FAM168B: variants seen among roughly 807,000 people sequenced by gnomAD.
FAM168B encodes family with sequence similarity 168 member B.
FAM168B carries 19 observed loss-of-function variants against 21.8 expected under a neutral mutation model. That is an observed-to-expected ratio of 0.87 (90% CI 0.61 to 1.28). The LOEUF (loss-of-function observed/expected upper bound fraction) is 1.28. Ranked by LOEUF, FAM168B falls within the 50% of genes most tolerant of loss-of-function variation. The pLI, the probability that FAM168B is intolerant of heterozygous loss-of-function variation, is 0.00. For synonymous variants in FAM168B, 126 were observed against 104.8 expected (o/e 1.20, Z -1.24); for missense variants, 233 against 263.1 (o/e 0.89, Z 0.79).
At chr2:131,092,910 G>A (rs928903113) in intron 1 of FAM168B, among the ~76,000 whole-genome samples, 3 of 152,056 alleles carry the variant, frequency 2.0e-5, no homozygotes, top group African/African-American at 7.2e-5. Context: ...CGGGTTTCAC[G>A]CTCGCATTCC....
At chr2:131,074,296 T>C (rs1414378438) in intron 2 of FAM168B, among the ~76,000 whole-genome samples, 2 of 152,140 alleles carry the variant, frequency 1.3e-5, no homozygotes, top group African/African-American at 2.4e-5. Context: ...GTCCAGCTAA[T>C]GTTTGTATTT....
intron 3 of FAM168B, among the ~76,000 whole-genome samples, chr2:131,060,854 G>A (rs1338501030): frequency 2.0e-5 from 3 of 151,938 alleles, no homozygotes; most frequent in African/African-American, 2.4e-5. Flanking sequence ...TTCTGTATAC[G>A]TAATTTTTTT....
At chr2:131,074,894 C>T (rs1000327580) in intron 2 of FAM168B, among the ~76,000 whole-genome samples, 1 of 152,208 alleles carries the variant, frequency 6.6e-6, no homozygotes, top group Non-Finnish European at 1.5e-5. Context: ...CAGGAGGCAT[C>T]AGTGTCACCA....
chr2:131,073,041 G>A (rs1313895944), intron 2 of FAM168B, among the ~76,000 whole-genome samples: 3 of 151,936 alleles, frequency 2.0e-5, no homozygotes, highest in Non-Finnish European at 2.9e-5. Flanking sequence ...ATTTTTTGTT[G>A]TAAGAAACTG....
At position 131,052,357 on chromosome 2, in the gene FAM168B, A is replaced by G; in HGVS notation, c.*108T>C. The G allele has an allele frequency of 4.1e-6, 4 of 986,382 alleles. No individual in the cohort carries two copies. The highest frequency in any genetic ancestry group is 4.8e-6 in the Non-Finnish European group (4 of 830,278). 61.1% of individuals were successfully genotyped at this position (986,382 alleles called of 1,614,324 possible). Reference sequence around the variant, plus strand: ...TATAGTCGTGTTTAGCTAAGTGTCGAGAGCATTAAGAAGAAAGTCCTGGTT... The same window carrying G: ...TATAGTCGTGTTTAGCTAAGTGTCGGGAGCATTAAGAAGAAAGTCCTGGTT... On this transcript the variant is annotated 3_prime_UTR_variant, in exon 7 of 7. Transcript: ENST00000389915.
intron 3 of FAM168B, among the ~76,000 whole-genome samples, chr2:131,057,357 T>C (rs934264809): frequency 1.3e-5 from 2 of 152,138 alleles, no homozygotes; most frequent in African/African-American, 4.8e-5. Flanking sequence ...GGAAAAAACA[T>C]GGATGAATCT....
Position 131,051,101 on chromosome 2 carries a change from G to A in FAM168B, c.*1364C>T, listed in dbSNP as rs1691646139. 1.0e-6 allele frequency: 1 copy of A among 985,386 alleles called. No homozygotes were observed. The highest frequency in any genetic ancestry group is 6.1e-5 in the Admixed American group (1 of 16,282). The allele number at this position is 985,386 out of a possible 1,614,324, so 61.0% of individuals were successfully genotyped here. A position where few individuals can be genotyped will look rare whatever the true frequency, so the allele number is the denominator to read the frequency against. On this transcript the variant is annotated 3_prime_UTR_variant, in exon 7 of 7. Transcript: ENST00000389915. Reference sequence around the variant, plus strand: ...AGCAAACGCACTCCAGCACTGCCTGGCCCTCTCTGCTGTCTGTGCTTGCTT... The same window carrying A: ...AGCAAACGCACTCCAGCACTGCCTGACCCTCTCTGCTGTCTGTGCTTGCTT...
At chr2:131,058,477 A>G (rs1424079392) in intron 3 of FAM168B, among the ~76,000 whole-genome samples, 1 of 152,176 alleles carries the variant, frequency 6.6e-6, no homozygotes, top group African/African-American at 2.4e-5. Context: ...CTGCATCCAG[A>G]GTCCTGACCC....
At chr2:131,054,278 TTC>T (rs1691874828) in intron 5 of FAM168B, among the ~76,000 whole-genome samples, 1 of 151,300 alleles carries the variant, frequency 6.6e-6, no homozygotes, top group Non-Finnish European at 1.5e-5. Context: ...CTACATGAGC[TTC>T]TGAGTTCTTT....
At chr2:131,060,027 AT>A (rs879939741) in intron 3 of FAM168B, among the ~76,000 whole-genome samples, 15 of 148,280 alleles carry the variant, frequency 1.0e-4, no homozygotes, top group Non-Finnish European at 1.1e-4. Context: ...GTGAGCAGGA[AT>A]TTTTTTTTTT....
chr2:131,048,943 TG>T lies in FAM168B; in HGVS notation c.*3521del. On this transcript the variant is annotated 3_prime_UTR_variant, in exon 7 of 7. Coordinates refer to ENST00000389915, the MANE Select transcript of FAM168B (RefSeq NM_001009993.4). ...TCCAACAGTCAGCTGTCGGATAAGG[TG>T]AAGGTGGCCCAACTGCTCAGAGTAA... 1 of 985,772 alleles carries T rather than the reference TG, an allele frequency of 1.0e-6. No individual in the cohort carries two copies. The highest frequency in any genetic ancestry group is 1.1e-4 in the East Asian group (1 of 8,822). The allele number at this position is 985,772 out of a possible 1,614,324, so 61.1% of individuals were successfully genotyped here. A position where few individuals can be genotyped will look rare whatever the true frequency, so the allele number is the denominator to read the frequency against.
chr2:131,070,022 C>A (rs993644594), intron 3 of FAM168B, among the ~76,000 whole-genome samples: 1 of 150,920 alleles, frequency 6.6e-6, no homozygotes, highest in Non-Finnish European at 1.5e-5. Flanking sequence ...CCAAGCCCAG[C>A]TAATTTTTGT....
chr2:131,077,894 G>A (rs748028789), intron 2 of FAM168B, among the ~76,000 whole-genome samples: 13 of 152,158 alleles, frequency 8.5e-5, no homozygotes, highest in Non-Finnish European at 7.3e-5. Context: ...ATCAGGGTAC[G>A]GATCCACAAG....
At chr2:131,071,715 A>T in intron 3 of FAM168B, 140 bp downstream of exon 3, 2 of 694,630 alleles carry the variant, frequency 2.9e-6, no homozygotes, top group Non-Finnish European at 5.0e-6. Flanking sequence ...CTTTTGTTGC[A>T]CTTATCAACA....
At position 131,048,876 on chromosome 2, in the gene FAM168B, T is replaced by C; in HGVS notation, c.*3589A>G. The C allele has an allele frequency of 1.0e-6, 1 of 986,146 alleles. No individual in the cohort carries two copies. The highest frequency in any genetic ancestry group is 1.2e-6 in the Non-Finnish European group (1 of 830,164). The allele number at this position is 986,146 out of a possible 1,614,324, so 61.1% of individuals were successfully genotyped here. ...CTGCTGCTGCGCCCAATGGAGGTCC[T>C]GTCCTGTCCGGGCAACAGCCAAACT... is the stretch of plus-strand genomic sequence containing the variant. On this transcript the variant is annotated 3_prime_UTR_variant, in exon 7 of 7. Coordinates refer to ENST00000389915, the MANE Select transcript of FAM168B (RefSeq NM_001009993.4).
intron 3 of FAM168B, among the ~76,000 whole-genome samples, chr2:131,061,737 G>A (rs1692304822): frequency 6.6e-6 from 1 of 151,662 alleles, no homozygotes; most frequent in Non-Finnish European, 1.5e-5. Context: ...AGCAGAGACT[G>A]CGGCAATGCA....
At chr2:131,068,849 T>C (rs965371285) in intron 3 of FAM168B, among the ~76,000 whole-genome samples, 11 of 152,080 alleles carry the variant, frequency 7.2e-5, no homozygotes, top group African/African-American at 2.7e-4. Flanking sequence ...AACCCATCTC[T>C]ACAAAAAAAT....
At chr2:131,076,652 TAAA>T (rs76726482) in intron 2 of FAM168B, among the ~76,000 whole-genome samples, 10 of 96,316 alleles carry the variant, frequency 1.0e-4, no homozygotes, top group Admixed American at 2.4e-4. Context: ...GACTCCGTCT[TAAA>T]AAAAAAAAAA....
chr2:131,063,138 G>A (rs1188232518), intron 3 of FAM168B, among the ~76,000 whole-genome samples: 1 of 152,114 alleles, frequency 6.6e-6, no homozygotes, highest in South Asian at 2.1e-4. Flanking sequence ...TGAAGTTTCT[G>A]CAACTTTTCT....
Sources: gnomAD v4.1 joint callset for allele counts (sites outside exome capture counted in the v4.1 genomes callset) on GRCh38, gnomAD v4.1.1 for gene constraint, MANE v1.5 for transcripts, NCBI Gene and HGNC (gene_info 2026-07-23, HGNC 2026-07-21) for gene names.